KIF24: variants seen among roughly 807,000 people sequenced by gnomAD.
KIF24 encodes the protein kinesin-like protein KIF24.
KIF24 carries 81 observed loss-of-function variants against 118.9 expected under a neutral mutation model. The ratio of observed to expected loss-of-function variants is 0.68; its 90% CI spans 0.57 to 0.82. KIF24 has a LOEUF of 0.82. KIF24 is among the 40% of genes least tolerant of loss of function. KIF24 has a pLI of 0.00. For synonymous variants in KIF24, 599 were observed against 610.0 expected (o/e 0.98, Z 0.27); for missense variants, 1,560 against 1,661.6 (o/e 0.94, Z 1.06).
chr9:34,301,231 T>C (rs1163397903), intron 3 of KIF24, among the ~76,000 whole-genome samples: 1 of 152,136 alleles, frequency 6.6e-6, no homozygotes, highest in Non-Finnish European at 1.5e-5. Context: ...CTTACTAACC[T>C]TGACAGAATC....
Position 34,271,797 on chromosome 9 carries a change from T to A in KIF24, c.1337+12A>T. 6.2e-7 allele frequency: 1 copy of A among 1,612,546 alleles called. No homozygotes were observed. Among genetic ancestry groups the A allele is most frequent in the Non-Finnish European group, 8.5e-7 (1 of 1,179,388 alleles). On this transcript the variant is annotated intron_variant, in intron 7 of 12. Transcript: ENST00000402558. ...AGGCAGACAATGTAACTCCCTGATA[T>A]TTCCAGCTCACCTGCCAAATGTCCT...
At chr9:34,293,217 C>T (rs1836321015) in intron 4 of KIF24, among the ~76,000 whole-genome samples, 1 of 152,062 alleles carries the variant, frequency 6.6e-6, no homozygotes, top group South Asian at 2.1e-4. Flanking sequence ...CGGTGGCTCA[C>T]ACCTGCAATC....
At position 34,297,079 on chromosome 9, in the gene KIF24, C is replaced by T. The variant is rs777539059; in HGVS notation, c.849G>A (p.Ala283=). 4.5e-5 allele frequency: 72 copies of T among 1,592,566 alleles called. 1 individual carries two copies. The Middle Eastern group carries it at 1.0e-3, about 22-fold the overall frequency. The change falls in exon 4 of 13, where the codon GCG becomes GCA. Residue 283 remains alanine (A), a synonymous_variant. Transcript: ENST00000402558. ...TCATGTATACATCCTGATTGGTGCA[C>T]GCCTCACCAAAGACTTCATCAAAAT... is the stretch of plus-strand genomic sequence containing the variant. ...VFYFDEVFGE[A]CTNQDVYMKT...
chr9:34,320,213 A>G (rs1837468596), intron 1 of KIF24, among the ~76,000 whole-genome samples: 1 of 152,054 alleles, frequency 6.6e-6, no homozygotes, highest in Admixed American at 6.6e-5. Context: ...CATGGGGATG[A>G]ACTTTTTGTT....
At chr9:34,289,766 GT>G (rs1340010166) in intron 5 of KIF24, among the ~76,000 whole-genome samples, 1 of 152,100 alleles carries the variant, frequency 6.6e-6, no homozygotes, top group Non-Finnish European at 1.5e-5. Context: ...CTATCATGGT[GT>G]TTACCCTAAG....
At chr9:34,298,794 A>T (rs1836583099) in intron 3 of KIF24, among the ~76,000 whole-genome samples, 1 of 152,222 alleles carries the variant, frequency 6.6e-6, no homozygotes, top group African/African-American at 2.4e-5. Context: ...GGTAAAAAGC[A>T]TCTAAATTAT....
chr9:34,329,401 C>T (rs965044107), upstream of KIF24: 6 of 152,286 alleles, frequency 3.9e-5, no homozygotes, highest in African/African-American at 1.4e-4. Context: ...GCGTAACTCT[C>T]AATTTCCGAC....
intron 1 of KIF24, among the ~76,000 whole-genome samples, chr9:34,311,689 C>T (rs1048927094): frequency 2.8e-5 from 4 of 144,082 alleles, no homozygotes; most frequent in Non-Finnish European, 4.5e-5. Context: ...TATATATATA[C>T]GTATATATGT....
At chr9:34,314,120 T>C (rs1425911656) in intron 1 of KIF24, among the ~76,000 whole-genome samples, 1 of 151,958 alleles carries the variant, frequency 6.6e-6, no homozygotes, top group Non-Finnish European at 1.5e-5. Flanking sequence ...TCTTCTGAGA[T>C]AAACATCAGA....
intron 7 of KIF24, among the ~76,000 whole-genome samples, chr9:34,271,331 AAAAAAAAAAAAAG>A (rs1304468634): frequency 7.1e-6 from 1 of 140,100 alleles, no homozygotes; most frequent in Admixed American, 7.4e-5. Flanking sequence ...CCAGCAAAAA[AAAAAAAAAAAAAG>A]AAAAAGAAAA....
rs1051018161 is a variant in KIF24, at chr9:34,255,792, G to A, written c.3815C>T (p.Pro1272Leu). 6.2e-7 allele frequency: 1 copy of A among 1,613,904 alleles called. No individual in the cohort carries two copies. Among genetic ancestry groups the A allele is most frequent in the Non-Finnish European group, 8.5e-7 (1 of 1,179,836 alleles). Reference sequence around the variant, plus strand: ...CCCTGCAGTCTTGGGAGAGCAGCTGGGAACCAAGGGAGAACTTGGCCTTGC... The same window carrying A: ...CCCTGCAGTCTTGGGAGAGCAGCTGAGAACCAAGGGAGAACTTGGCCTTGC... ...CLARPSSPLV[P>L]SCSPKTAGTL... Residue 1272 changes from proline to leucine, a missense_variant, in exon 11 of 13, where the codon CCC (proline) becomes CTC (leucine). Coordinates refer to ENST00000402558, the MANE Select transcript of KIF24 (RefSeq NM_194313.4).
At chr9:34,274,924 T>C (rs1292280865) in intron 6 of KIF24, among the ~76,000 whole-genome samples, 1 of 151,484 alleles carries the variant, frequency 6.6e-6, no homozygotes, top group Non-Finnish European at 1.5e-5. Context: ...TTCTCACTTA[T>C]GTGTGTGATC....
Position 34,256,341 on chromosome 9 carries a change from A to G in KIF24, c.3266T>C (p.Val1089Ala), listed in dbSNP as rs777921202. ...SLVAESTGGP[V>A]VSHTVPSGDQ... is the part of the protein sequence containing the mutation. The stretch of plus-strand genomic sequence containing the variant: ...ACCAGATGGCACTGTGTGGCTCACA[A>G]CTGGGCCCCCTGTGCTCTCTGCCAC... Residue 1089 changes from valine to alanine, a missense_variant, in exon 11 of 13, where the codon GTT (valine) becomes GCT (alanine). Val to Ala is a moderately conservative substitution (Grantham distance 64). This residue lies in a region of KIF24 where 591 missense variants were observed against 655.6 expected (regional missense o/e 0.90). Coordinates refer to ENST00000402558, the MANE Select transcript of KIF24 (RefSeq NM_194313.4). The G allele has an allele frequency of 1.2e-6, 2 of 1,613,502 alleles. No individual in the cohort carries two copies. Among genetic ancestry groups the G allele is most frequent in the Non-Finnish European group, 1.7e-6 (2 of 1,179,844 alleles).
chr9:34,264,110 G>C (rs1007948008), intron 8 of KIF24, among the ~76,000 whole-genome samples: 14 of 151,890 alleles, frequency 9.2e-5, no homozygotes. Flanking sequence ...GATGCATCTA[G>C]GCTAAAAGAT....
At chr9:34,264,469 A>C (rs1835209292) in intron 8 of KIF24, among the ~76,000 whole-genome samples, 3 of 151,988 alleles carry the variant, frequency 2.0e-5, no homozygotes. Flanking sequence ...GGTGGAAGCA[A>C]TCCCTTGGAA....
At chr9:34,313,785 T>C (rs960087731) in intron 1 of KIF24, among the ~76,000 whole-genome samples, 3 of 150,156 alleles carry the variant, frequency 2.0e-5, no homozygotes, top group African/African-American at 2.5e-5. Flanking sequence ...TCTTGCTCTG[T>C]TGCCCAGGCT....
At chr9:34,269,224 G>C in intron 8 of KIF24, 33 bp downstream of exon 8, 2 of 1,320,650 alleles carry the variant, frequency 1.5e-6, no homozygotes, top group East Asian at 2.4e-5. Flanking sequence ...CTTTCAAGAA[G>C]GATTTTTAGA....
Position 34,309,738 on chromosome 9 carries a change from G to A in KIF24, c.623+986C>T, listed in dbSNP as rs1174190114. Among the ~76,000 whole-genome samples, 3 of 151,870 alleles carry A rather than the reference G, an allele frequency of 2.0e-5. No homozygotes were observed. In the East Asian group the frequency reaches 5.8e-4, roughly 29 times the overall value. On this transcript the variant is annotated intron_variant, in intron 2 of 12. Transcript: ENST00000402558. ...AATATTATAATAAAAATTCACTTAT[G>A]TATTTCAAATTATTAAAGATATTTT...
Position 34,317,093 on chromosome 9 carries a change from C to T in KIF24, c.-25-5722G>A, listed in dbSNP as rs546960703. Among the ~76,000 whole-genome samples, 31 of 152,082 alleles carry T rather than the reference C, an allele frequency of 2.0e-4. No homozygotes were observed. The East Asian group carries it at 5.8e-3, about 28-fold the overall frequency. ...TTAGCTGGGCGTGGTTGGCAGACAC[C>T]CATAATCCCAGCTACTCGGGAGGCT... On this transcript the variant is annotated intron_variant, in intron 1 of 12. Transcript: ENST00000402558.
Sources: allele counts gnomAD v4.1 joint callset (sites outside exome capture counted in the v4.1 genomes callset), GRCh38; gene constraint gnomAD v4.1.1; regional missense constraint gnomAD v4.1.1; transcripts MANE v1.5; gene names NCBI Gene and HGNC (gene_info 2026-07-23, HGNC 2026-07-21).